Variants in ZCCHC7 observed in about 807,000 individuals in gnomAD.
The protein encoded by ZCCHC7 is zinc finger CCHC domain-containing protein 7.
Under a neutral mutation model 52.0 loss-of-function variants are expected in ZCCHC7, and 35 were observed. The ratio of observed to expected loss-of-function variants is 0.67; its 90% CI spans 0.51 to 0.89. The LOEUF (loss-of-function observed/expected upper bound fraction) is 0.89, where lower values mean the gene tolerates loss of function less well. Among genes scored for constraint, ZCCHC7 ranks in the 40% least tolerant of loss-of-function variants. ZCCHC7 has a pLI of 0.00. For missense variants in ZCCHC7, 574 were observed against 649.1 expected (o/e 0.88, Z 1.26); for synonymous variants, 217 against 221.5 (o/e 0.98, Z 0.18).
At chr9:37,187,946 A>G (rs1822753912) in intron 2 of ZCCHC7, among the ~76,000 whole-genome samples, 2 of 152,146 alleles carry the variant, frequency 1.3e-5, no homozygotes, top group South Asian at 4.1e-4. Context: ...CCGATGACAA[A>G]TTCTCAGTTA....
intron 2 of ZCCHC7, among the ~76,000 whole-genome samples, chr9:37,273,590 G>A (rs750365027): frequency 1.3e-5 from 2 of 152,198 alleles, no homozygotes; most frequent in Non-Finnish European, 2.9e-5. Flanking sequence ...CTCAGCAAGG[G>A]TAATCATCAA....
intron 2 of ZCCHC7, among the ~76,000 whole-genome samples, chr9:37,161,371 G>A (rs1041114046): frequency 1.6e-4 from 25 of 152,030 alleles, no homozygotes; most frequent in Non-Finnish European, 2.9e-5. Context: ...TTAGGAGATC[G>A]AGACCATCCT....
chr9:37,120,471 G>C (rs1842251138), upstream of ZCCHC7: 1 of 398,404 alleles, frequency 2.5e-6, no homozygotes, highest in African/African-American at 2.1e-5. Context: ...GGCGGGGACG[G>C]AAAGGCGGTG....
chr9:37,306,548 C>T (rs1829316698), intron 5 of ZCCHC7, among the ~76,000 whole-genome samples: 1 of 150,602 alleles, frequency 6.6e-6, no homozygotes, highest in Non-Finnish European at 1.5e-5. Flanking sequence ...TAACTGCAAC[C>T]TCCAACTCCT....
chr9:37,216,261 T>C (rs2095088681), intron 2 of ZCCHC7, among the ~76,000 whole-genome samples: 1 of 152,236 alleles, frequency 6.6e-6, no homozygotes, highest in Admixed American at 6.5e-5. Flanking sequence ...AGAAAAATGT[T>C]TGTGAGCATG....
At chr9:37,308,999 A>G (rs1051136458) in intron 5 of ZCCHC7, among the ~76,000 whole-genome samples, 2 of 147,282 alleles carry the variant, frequency 1.4e-5, no homozygotes, top group Non-Finnish European at 3.0e-5. Flanking sequence ...AAAAAAAAAC[A>G]GCCTGGGCAA....
chr9:37,268,648 G>A (rs1005578820), intron 2 of ZCCHC7, among the ~76,000 whole-genome samples: 1 of 152,032 alleles, frequency 6.6e-6, no homozygotes, highest in Non-Finnish European at 1.5e-5. Flanking sequence ...GGATGGTCTC[G>A]ATCTCCTGAA....
chr9:37,329,370 A>T (rs1238078291), intron 6 of ZCCHC7, among the ~76,000 whole-genome samples: 1 of 151,852 alleles, frequency 6.6e-6, no homozygotes, highest in Non-Finnish European at 1.5e-5. Context: ...CATAAATTTT[A>T]AAAAGAATCA....
intron 2 of ZCCHC7, among the ~76,000 whole-genome samples, chr9:37,151,125 C>T (rs540287926): frequency 2.2e-4 from 34 of 151,964 alleles, no homozygotes; most frequent in African/African-American, 7.2e-4. Context: ...CCACCACGCC[C>T]GGCTAATTTT....
chr9:37,311,455 CCGCCCAGGG>C (rs1829595722), intron 5 of ZCCHC7, among the ~76,000 whole-genome samples: 1 of 150,400 alleles, frequency 6.6e-6, no homozygotes, highest in African/African-American at 2.5e-5. Context: ...TCTCACTCTG[CCGCCCAGGG>C]TGCAGAGGTG....
chr9:37,260,435 A>G (rs1826810645), intron 2 of ZCCHC7, among the ~76,000 whole-genome samples: 1 of 152,190 alleles, frequency 6.6e-6, no homozygotes, highest in Admixed American at 6.5e-5. Flanking sequence ...CCATTGTCCC[A>G]CTGGTCTTCA....
intron 6 of ZCCHC7, among the ~76,000 whole-genome samples, chr9:37,336,237 A>G (rs1830647358): frequency 6.6e-6 from 1 of 152,182 alleles, no homozygotes; most frequent in African/African-American, 2.4e-5. Flanking sequence ...TTCCAGCTGT[A>G]TTCTCAGATA....
intron 6 of ZCCHC7, among the ~76,000 whole-genome samples, chr9:37,338,339 T>C (rs567614099): frequency 6.6e-6 from 1 of 152,334 alleles, no homozygotes; most frequent in Non-Finnish European, 1.5e-5. Flanking sequence ...TTGGAAGTTA[T>C]ACCAATAATT....
chr9:37,341,826 G>T (rs1001784701), intron 6 of ZCCHC7, among the ~76,000 whole-genome samples: 4 of 152,110 alleles, frequency 2.6e-5, no homozygotes, highest in Admixed American at 1.3e-4. Flanking sequence ...GGTGCAAAGC[G>T]CTGAGGTGGA....
intron 2 of ZCCHC7, among the ~76,000 whole-genome samples, chr9:37,282,341 C>A (rs565532372): frequency 6.6e-6 from 1 of 152,074 alleles, no homozygotes; most frequent in Non-Finnish European, 1.5e-5. Context: ...TGGTGGCTCA[C>A]GCCTGTAATC....
intron 2 of ZCCHC7, among the ~76,000 whole-genome samples, chr9:37,175,170 A>G (rs1482750630): frequency 3.9e-5 from 6 of 152,130 alleles, no homozygotes; most frequent in Non-Finnish European, 8.8e-5. Context: ...TAGTCAAGGT[A>G]CCTGATACAG....
chr9:37,185,383 T>A (rs759276656), intron 2 of ZCCHC7, among the ~76,000 whole-genome samples: 9 of 152,248 alleles, frequency 5.9e-5, no homozygotes, highest in Non-Finnish European at 1.3e-4. Context: ...TTTAGAGCCT[T>A]TAAATAAATA....
At chr9:37,346,636 C>G (rs114723478) in intron 6 of ZCCHC7, among the ~76,000 whole-genome samples, 7,745 of 152,160 alleles carry the variant, frequency 0.051, 647 homozygotes, top group African/African-American at 0.17. Flanking sequence ...GATTGTGCTG[C>G]TGCACTCCAG....
At chr9:37,321,757 C>T (rs1055263108) in intron 5 of ZCCHC7, among the ~76,000 whole-genome samples, 2 of 152,074 alleles carry the variant, frequency 1.3e-5, no homozygotes, top group African/African-American at 4.8e-5. Context: ...CAGAGTAAGA[C>T]TCTGTCTCTA....
Sources: gnomAD v4.1 joint callset for allele counts (sites outside exome capture counted in the v4.1 genomes callset) on GRCh38, gnomAD v4.1.1 for gene constraint, MANE v1.5 for transcripts, NCBI Gene and HGNC (gene_info 2026-07-23, HGNC 2026-07-21) for gene names.